OXR1: variants seen among roughly 807,000 people sequenced by gnomAD.
OXR1 encodes the protein oxidation resistance protein 1.
In OXR1, 41 loss-of-function variants were observed where a neutral mutation model predicts 104.6. The observed-to-expected ratio is 0.39, with a 90% CI of 0.31 to 0.51. The LOEUF is 0.51. Ranked by LOEUF, OXR1 falls within the 20% of genes least tolerant of loss-of-function variation. OXR1 has a pLI of 0.77. For synonymous variants in OXR1, 348 were observed against 348.4 expected (o/e 1.00, Z 0.01); for missense variants, 955 against 1,031.9 (o/e 0.93, Z 1.02).
intron 11 of OXR1, among the ~76,000 whole-genome samples, chr8:106,722,549 A>G (rs1330342199): frequency 1.3e-5 from 2 of 152,188 alleles, no homozygotes; most frequent in East Asian, 1.9e-4. Flanking sequence ...TAGTGATGTC[A>G]TAACATCATA....
intron 3 of OXR1, among the ~76,000 whole-genome samples, chr8:106,615,486 C>T (rs866251924): frequency 6.6e-6 from 1 of 151,368 alleles, no homozygotes; most frequent in African/African-American, 2.4e-5. Flanking sequence ...TAAAGCCCCA[C>T]AGCTCCAGTA....
chr8:106,341,114 C>T (rs1179300081), intron 1 of OXR1, among the ~76,000 whole-genome samples: 3 of 152,020 alleles, frequency 2.0e-5, no homozygotes, highest in African/African-American at 4.8e-5. Flanking sequence ...AAAGTGAAGA[C>T]GTCCCAATAT....
At chr8:106,712,342 G>A (rs1044117334) in intron 10 of OXR1, among the ~76,000 whole-genome samples, 1 of 152,008 alleles carries the variant, frequency 6.6e-6, no homozygotes, top group African/African-American at 2.4e-5. Context: ...ATCATTTCCT[G>A]TCTCAACACC....
chr8:106,740,442 A>G lies in OXR1; in HGVS notation c.2263A>G (p.Met755Val), dbSNP rs757152271. The G allele has an allele frequency of 1.2e-6, 2 of 1,613,314 alleles. No individual in the cohort carries two copies. The highest frequency in any genetic ancestry group is 8.5e-7 in the Non-Finnish European group (1 of 1,179,430). ...AAGCTTGAAAACTCTTTATCGAACA[A>G]TGACAGGTTTAGACACCCCAGTGCT... is the stretch of plus-strand genomic sequence containing the variant. The part of the protein sequence containing the change: ...GTSLKTLYRT[M>V]TGLDTPVLMV... Residue 755 changes from methionine (M) to valine (V), a missense_variant, in exon 14 of 17, where the codon ATG (methionine) becomes GTG (valine). Coordinates refer to ENST00000517566, the MANE Select transcript of OXR1 (RefSeq NM_001198533.2).
chr8:106,432,344 C>T (rs1298293446), intron 2 of OXR1, among the ~76,000 whole-genome samples: 2 of 152,170 alleles, frequency 1.3e-5, no homozygotes, highest in African/African-American at 4.8e-5. Flanking sequence ...AACACCAATC[C>T]TTGCCATGTT....
intron 1 of OXR1, among the ~76,000 whole-genome samples, chr8:106,332,101 G>A (rs1814741872): frequency 6.8e-6 from 1 of 147,152 alleles, no homozygotes; most frequent in African/African-American, 2.5e-5. Flanking sequence ...TAAAATAAGT[G>A]ATAAATTTTT....
intron 3 of OXR1, among the ~76,000 whole-genome samples, chr8:106,538,691 G>A (rs1814728987): frequency 6.6e-6 from 1 of 152,150 alleles, no homozygotes; most frequent in Non-Finnish European, 1.5e-5. Flanking sequence ...TTCTCAACAT[G>A]TATGCTCTTT....
chr8:106,696,502 G>T (rs1014161513), intron 7 of OXR1, among the ~76,000 whole-genome samples: 1 of 152,124 alleles, frequency 6.6e-6, no homozygotes, highest in African/African-American at 2.4e-5. Flanking sequence ...ATTACTGGAT[G>T]GTATGGTAAG....
intron 2 of OXR1, among the ~76,000 whole-genome samples, chr8:106,516,516 G>A (rs1336736933): frequency 6.6e-6 from 1 of 152,154 alleles, no homozygotes; most frequent in Admixed American, 6.6e-5. Flanking sequence ...CTCATGAGAA[G>A]TAGGGCGCTG....
At chr8:106,497,920 GT>G (rs1477867531) in intron 2 of OXR1, among the ~76,000 whole-genome samples, 1 of 151,952 alleles carries the variant, frequency 6.6e-6, no homozygotes, top group East Asian at 1.9e-4. Context: ...TTGTGGCCCT[GT>G]TTTTTTCCCC....
intron 2 of OXR1, among the ~76,000 whole-genome samples, chr8:106,488,185 A>G: frequency 7.1e-6 from 1 of 140,328 alleles, no homozygotes. Context: ...GATGATGAGC[A>G]TTTTTTCATG....
At chr8:106,697,909 G>A (rs1830217960) in intron 7 of OXR1, 8 of 1,612,158 alleles carry the variant, frequency 5.0e-6, no homozygotes, top group Non-Finnish European at 5.9e-6. Flanking sequence ...GCACTGGGTG[G>A]TGATCCACTG....
chr8:106,383,803 C>T (rs1464202293), intron 2 of OXR1, among the ~76,000 whole-genome samples: 3 of 152,122 alleles, frequency 2.0e-5, no homozygotes, highest in Admixed American at 1.3e-4. Context: ...GTCAGTGCAG[C>T]CTTTAATCAA....
intron 7 of OXR1, among the ~76,000 whole-genome samples, chr8:106,700,630 G>A (rs532581854): frequency 2.0e-4 from 30 of 152,110 alleles, no homozygotes; most frequent in African/African-American, 6.8e-4. Context: ...CTTTTCAAAT[G>A]ATTTGTATAG....
At chr8:106,320,418 G>C (rs993327280) in intron 1 of OXR1, among the ~76,000 whole-genome samples, 1 of 152,086 alleles carries the variant, frequency 6.6e-6, no homozygotes, top group Non-Finnish European at 1.5e-5. Flanking sequence ...GGGTGGAGGG[G>C]GAATCGTTGT....
chr8:106,703,683 A>T (rs912317449), intron 8 of OXR1, among the ~76,000 whole-genome samples: 1 of 152,202 alleles, frequency 6.6e-6, no homozygotes, highest in African/African-American at 2.4e-5. Context: ...TAGCTGTGAG[A>T]CTACAGTTTG....
chr8:106,525,445 C>CG (rs1813589757), intron 3 of OXR1, among the ~76,000 whole-genome samples: 1 of 152,132 alleles, frequency 6.6e-6, no homozygotes, highest in African/African-American at 2.4e-5. Context: ...TACCCCTCAC[C>CG]ATAAGTATAC....
chr8:106,450,247 GT>G (rs1820239267), intron 2 of OXR1, among the ~76,000 whole-genome samples: 1 of 152,140 alleles, frequency 6.6e-6, no homozygotes, highest in Admixed American at 6.5e-5. Flanking sequence ...CAATTTCTTA[GT>G]GATTAAGTGA....
intron 12 of OXR1, among the ~76,000 whole-genome samples, chr8:106,738,918 G>A (rs937855508): frequency 4.6e-5 from 7 of 151,868 alleles, no homozygotes; most frequent in Non-Finnish European, 8.8e-5. Context: ...AAATGGTAAC[G>A]TTTGTCAGTG....
Sources: allele counts gnomAD v4.1 joint callset (sites outside exome capture counted in the v4.1 genomes callset), GRCh38; gene constraint gnomAD v4.1.1; transcripts MANE v1.5; gene names NCBI Gene and HGNC (gene_info 2026-07-23, HGNC 2026-07-21).